ELOVL5: variants seen among roughly 807,000 people sequenced by gnomAD.
The protein encoded by ELOVL5 is ELOVL fatty acid elongase 5.
In ELOVL5, 8 loss-of-function variants were observed where a neutral mutation model predicts 38.6. The observed-to-expected ratio is 0.21, with a 90% CI of 0.12 to 0.37. The LOEUF (loss-of-function observed/expected upper bound fraction) is 0.37, where lower values mean the gene tolerates loss of function less well. Among genes scored for constraint, ELOVL5 ranks in the 10% least tolerant of loss-of-function variants. The pLI is 1.00. For missense variants in ELOVL5, 280 were observed against 367.8 expected, an observed-to-expected ratio of 0.76 and a Z score of 1.95; for synonymous variants, 127 against 133.7, an observed-to-expected ratio of 0.95 and a Z score of 0.34.
intron 1 of ELOVL5, among the ~76,000 whole-genome samples, chr6:53,300,406 A>G (rs1421481548): frequency 6.6e-6 from 1 of 152,168 alleles, no homozygotes; most frequent in Non-Finnish European, 1.5e-5. Flanking sequence ...GAAAGACCAT[A>G]AACATATATT....
Position 53,275,177 on chromosome 6 carries a change from G to C in ELOVL5, c.409C>G (p.His137Asp). Residue 137 changes from histidine to aspartate, a missense_variant, in exon 5 of 8, where the codon CAC becomes GAC. This residue lies in a region of ELOVL5 where 150 missense variants were observed against 178.0 expected (regional missense o/e 0.84). Transcript: ENST00000304434. The part of the protein sequence containing the change: ...TFFFILRKNN[H>D]QITVLHVYHH... ...TAGACGTGCAGGACCGTGATCTGGT[G>C]GTTGTTCTTGCGCAGGATGAAGAAG... 6.2e-7 allele frequency: 1 copy of C among 1,614,126 alleles called. No homozygotes were observed. The highest frequency in any genetic ancestry group is 8.5e-7 in the Non-Finnish European group (1 of 1,179,994).
intron 1 of ELOVL5, among the ~76,000 whole-genome samples, chr6:53,340,358 G>A (rs1358068480): frequency 1.3e-5 from 2 of 152,150 alleles, no homozygotes; most frequent in Non-Finnish European, 2.9e-5. Flanking sequence ...AAAGTGCTGA[G>A]ATTACAGACA....
At chr6:53,331,233 G>A (rs996454616) in intron 1 of ELOVL5, among the ~76,000 whole-genome samples, 3 of 152,098 alleles carry the variant, frequency 2.0e-5, no homozygotes, top group Non-Finnish European at 4.4e-5. Context: ...AGCTGAGGTG[G>A]GAGGACTGCA....
At chr6:53,313,883 C>T (rs1767935890) in intron 1 of ELOVL5, among the ~76,000 whole-genome samples, 1 of 152,212 alleles carries the variant, frequency 6.6e-6, no homozygotes, top group Admixed American at 6.5e-5. Flanking sequence ...CACGCTTGTG[C>T]TCTGCTCTGG....
intron 1 of ELOVL5, among the ~76,000 whole-genome samples, chr6:53,316,807 A>G (rs1768064280): frequency 6.6e-6 from 1 of 152,082 alleles, no homozygotes; most frequent in South Asian, 2.1e-4. Context: ...GGTGGCAAGC[A>G]GACTGCAAGA....
chr6:53,297,853 T>C (rs140157091), intron 1 of ELOVL5, among the ~76,000 whole-genome samples: 86 of 152,264 alleles, frequency 5.6e-4, no homozygotes, highest in African/African-American at 2.1e-3. Flanking sequence ...CTGCCCTAGA[T>C]TGAACCACTT....
At chr6:53,287,843 T>A (rs1316937285) in intron 3 of ELOVL5, 1 of 1,533,380 alleles carries the variant, frequency 6.5e-7, no homozygotes, top group East Asian at 2.4e-5. Context: ...CAAAGCCATG[T>A]GCACTGCACA....
chr6:53,304,816 A>T (rs1767417000), intron 1 of ELOVL5, among the ~76,000 whole-genome samples: 1 of 146,030 alleles, frequency 6.8e-6, no homozygotes, highest in Admixed American at 6.7e-5. Flanking sequence ...AAAATCTCCC[A>T]TGTCTACTTC....
rs763831626 is a variant in ELOVL5 at position 53,275,083 on chromosome 6, T to A, written c.496+7A>T. 7.4e-6 allele frequency: 12 copies of A among 1,613,516 alleles called. No individual in the cohort carries two copies. The highest frequency in any genetic ancestry group is 1.3e-5 in the African/African-American group (1 of 74,896). On this transcript the variant is annotated splice_region_variant and intron_variant, in intron 5 of 7. Coordinates refer to ENST00000304434, the MANE Select transcript of ELOVL5 (RefSeq NM_021814.5). ...CTGTTCCCCAAGTCCCCGTCTCTAATACTTACAGTGGCCGCAGGGGACCCA... is the reference window on the plus strand; with the variant it reads ...CTGTTCCCCAAGTCCCCGTCTCTAAAACTTACAGTGGCCGCAGGGGACCCA...
At chr6:53,317,845 A>AT (rs1347371941) in intron 1 of ELOVL5, among the ~76,000 whole-genome samples, 9 of 148,150 alleles carry the variant, frequency 6.1e-5, no homozygotes, top group Non-Finnish European at 8.8e-5. Context: ...TAAAAAAAAT[A>AT]AAATAAAATA....
At position 53,269,016 on chromosome 6, in the gene ELOVL5, A is replaced by T; in HGVS notation, c.*111T>A. 8.1e-7 allele frequency: 1 copy of T among 1,240,446 alleles called. No individual in the cohort carries two copies. Among genetic ancestry groups the T allele is most frequent in the South Asian group, 1.5e-5 (1 of 66,622 alleles). The allele number at this position is 1,240,446 out of a possible 1,614,324, so 76.8% of individuals were successfully genotyped here. Reference sequence around the variant, plus strand: ...TGATGAAAGAAGTCCTACATGAATCACACTATTGTAGGCCAGACTAGTTAC... The same window carrying T: ...TGATGAAAGAAGTCCTACATGAATCTCACTATTGTAGGCCAGACTAGTTAC... On this transcript the variant is annotated 3_prime_UTR_variant, in exon 8 of 8. Coordinates refer to ENST00000304434, the MANE Select transcript of ELOVL5 (RefSeq NM_021814.5).
At chr6:53,336,027 T>G (rs1406451005) in intron 1 of ELOVL5, among the ~76,000 whole-genome samples, 1 of 152,218 alleles carries the variant, frequency 6.6e-6, no homozygotes, top group Non-Finnish European at 1.5e-5. Flanking sequence ...TGTTTTGGGA[T>G]ACCATTATTC....
chr6:53,287,914 G>A (rs1561868707), intron 3 of ELOVL5: 1 of 1,535,708 alleles, frequency 6.5e-7, no homozygotes, highest in Non-Finnish European at 8.7e-7. Flanking sequence ...TGAGGCACAG[G>A]CAGATCGACG....
chr6:53,315,074 T>G (rs1292388442), intron 1 of ELOVL5, among the ~76,000 whole-genome samples: 1 of 152,246 alleles, frequency 6.6e-6, no homozygotes, highest in Non-Finnish European at 1.5e-5. Context: ...TAGCACATGC[T>G]GCTAGATTAA....
At chr6:53,279,233 G>T (rs1766265832) in intron 3 of ELOVL5, among the ~76,000 whole-genome samples, 1 of 152,124 alleles carries the variant, frequency 6.6e-6, no homozygotes, top group South Asian at 2.1e-4. Flanking sequence ...TTAAACATAA[G>T]TGTTGGCAGT....
At chr6:53,309,133 A>G (rs551343319) in intron 1 of ELOVL5, among the ~76,000 whole-genome samples, 1 of 152,264 alleles carries the variant, frequency 6.6e-6, no homozygotes, top group South Asian at 2.1e-4. Flanking sequence ...CACCATTACT[A>G]CCAGGAGTCA....
intron 3 of ELOVL5, chr6:53,290,271 C>T (rs1273805736): frequency 6.6e-6 from 1 of 152,196 alleles, no homozygotes; most frequent in Non-Finnish European, 1.5e-5. Flanking sequence ...CTTAAGTTCT[C>T]TAAAAATCAC....
At chr6:53,327,822 A>T (rs1199761489) in intron 1 of ELOVL5, among the ~76,000 whole-genome samples, 1 of 152,054 alleles carries the variant, frequency 6.6e-6, no homozygotes, top group Admixed American at 6.5e-5. Context: ...TTCATCTCCC[A>T]TCTGCCTTTT....
chr6:53,281,355 A>G lies in ELOVL5; in HGVS notation c.247-5099T>C, dbSNP rs1766344312. On this transcript the variant is annotated intron_variant, in intron 3 of 7. Coordinates refer to ENST00000304434, the MANE Select transcript of ELOVL5 (RefSeq NM_021814.5). ...AGCTTTGTTTCTGTGTGAGTCCTCA[A>G]CTGTGTATTTTTTAGATCTGGTACA... is the stretch of plus-strand genomic sequence containing the variant. Among the ~76,000 whole-genome samples the G allele has an allele frequency of 3.3e-5, 5 of 152,280 alleles. No homozygotes were observed. In the South Asian group the frequency reaches 1.0e-3, roughly 32 times the overall value.
Sources: gnomAD v4.1 joint callset for allele counts (sites outside exome capture counted in the v4.1 genomes callset) on GRCh38, gnomAD v4.1.1 for gene constraint, gnomAD v4.1.1 regional missense constraint, MANE v1.5 for transcripts, NCBI Gene and HGNC (gene_info 2026-07-23, HGNC 2026-07-21) for gene names.